CSNK1D: variants seen among roughly 807,000 people sequenced by gnomAD.
CSNK1D encodes the protein casein kinase 1 delta.
CSNK1D carries 16 observed loss-of-function variants against 46.6 expected under a neutral mutation model. The ratio of observed to expected loss-of-function variants is 0.34; its 90% CI spans 0.23 to 0.52. The LOEUF is 0.52. Among genes scored for constraint, CSNK1D ranks in the 20% least tolerant of loss-of-function variants. The pLI is 0.95. For missense variants in CSNK1D, 398 were observed against 578.4 expected, an observed-to-expected ratio of 0.69 and a Z score of 3.20; for synonymous variants, 276 against 228.2, an observed-to-expected ratio of 1.21 and a Z score of -1.89.
In CSNK1D at chr17:82,248,066, T is replaced by A. The variant is rs1311115846; in HGVS notation, c.1197+809A>T. On this transcript the variant is annotated intron_variant, in intron 8 of 8. Transcript: ENST00000314028. This position sits in a 1 kb window ranked among gnomAD's most constrained non-coding sequence, Gnocchi z 4.1. ...CCAGAGCCAGGCTCCAGGGCATTTC[T>A]GAACTGAGTTCCTGCTCATCCGGAA... is the stretch of plus-strand genomic sequence containing the variant. The A allele has an allele frequency of 8.1e-6, 8 of 985,356 alleles. No homozygotes were observed. In the African/African-American group the frequency reaches 1.2e-4, roughly 15 times the overall value. The allele number at this position is 985,356 out of a possible 1,614,324, so 61.0% of individuals were successfully genotyped here. A position where few individuals can be genotyped will look rare whatever the true frequency, so the allele number is the denominator to read the frequency against.
chr17:82,258,280 T>C (rs752466411), intron 2 of CSNK1D, among the ~76,000 whole-genome samples: 3 of 150,158 alleles, frequency 2.0e-5, no homozygotes, highest in Admixed American at 1.3e-4. Flanking sequence ...GTCTTTTATA[T>C]ATATGTATAT....
intron 2 of CSNK1D, among the ~76,000 whole-genome samples, chr17:82,258,909 G>C (rs868359860): frequency 6.6e-6 from 1 of 152,210 alleles, no homozygotes; most frequent in Non-Finnish European, 1.5e-5. Flanking sequence ...CAGCTTTATA[G>C]TAAGTGCTGG....
Position 82,248,606 on chromosome 17 carries a change from A to G in CSNK1D, c.1197+269T>C. The G allele has an allele frequency of 6.8e-6, 9 of 1,316,096 alleles. 1 individual carries two copies. The South Asian group carries it at 1.5e-4, about 22-fold the overall frequency. The allele number at this position is 1,316,096 out of a possible 1,614,324, so 81.5% of individuals were successfully genotyped here. A position where few individuals can be genotyped will look rare whatever the true frequency, so the allele number is the denominator to read the frequency against. On this transcript the variant is annotated intron_variant, in intron 8 of 8. Transcript: ENST00000314028. This position sits in a 1 kb window ranked among gnomAD's most constrained non-coding sequence, Gnocchi z 4.1. Reference sequence around the variant, plus strand: ...AGCGGGGCACTCAAACAGCAGGAGAAAGCCCCCACGGTTTGCTGGCCTCAG... The same window carrying G: ...AGCGGGGCACTCAAACAGCAGGAGAGAGCCCCCACGGTTTGCTGGCCTCAG...
intron 1 of CSNK1D, among the ~76,000 whole-genome samples, chr17:82,269,427 A>G (rs2051561705): frequency 6.6e-6 from 1 of 152,150 alleles, no homozygotes; most frequent in African/African-American, 2.4e-5. Context: ...CTCTCCTCTC[A>G]TGGCTGGTCA....
In CSNK1D at chr17:82,248,894, G is replaced by A. The variant is rs751442364; in HGVS notation, c.1178C>T (p.Ser393Phe). 3.7e-6 allele frequency: 6 copies of A among 1,610,598 alleles called. No homozygotes were observed. Among genetic ancestry groups the A allele is most frequent in the Non-Finnish European group, 5.1e-6 (6 of 1,178,338 alleles). ...ACCTACCTGTGAGGTGGACATGCGAGAGGTATCTTGTCGGCCTGTGAGGTC... is the reference window on the plus strand; with the variant it reads ...ACCTACCTGTGAGGTGGACATGCGAAAGGTATCTTGTCGGCCTGTGAGGTC... Reference protein sequence around the residue: ...SSDLTGRQDTSRMSTSQIPGR... With the variant: ...SSDLTGRQDTFRMSTSQIPGR... Residue 393 changes from serine (S) to phenylalanine (F), a missense_variant, in exon 8 of 9, where the codon TCT becomes TTT. Around this residue, in one of 2 missense-constraint regions of CSNK1D, gnomAD observed 181 missense variants for 208.0 expected, o/e 0.87. Coordinates refer to ENST00000314028, the MANE Select transcript of CSNK1D (RefSeq NM_001893.6). The surrounding 1 kb of genome is among the most constrained non-coding windows in gnomAD (Gnocchi z 4.1).
intron 2 of CSNK1D, 131 bp downstream of exon 2, chr17:82,265,555 G>A (rs1444640521): frequency 2.7e-6 from 2 of 745,108 alleles, no homozygotes; most frequent in East Asian, 5.1e-5. Context: ...TGCTTTGTCA[G>A]GGTGTGGAGA....
At position 82,273,647 on chromosome 17, in the gene CSNK1D, TC is replaced by T. The variant is rs2051703017; in HGVS notation, c.-267del. ...CCCCGCCGCGGATGGACTCGGATCTTCCGGGCCTAAATCCCCTTTCAGCTGC... is the reference window on the plus strand; with the variant it reads ...CCCCGCCGCGGATGGACTCGGATCTTCGGGCCTAAATCCCCTTTCAGCTGC... On this transcript the variant is annotated 5_prime_UTR_variant, in exon 1 of 9. Transcript: ENST00000314028. This position sits in a 1 kb window ranked among gnomAD's most constrained non-coding sequence, Gnocchi z 5.1. The T allele has an allele frequency of 1.8e-6, 1 of 547,184 alleles. No individual in the cohort carries two copies. The highest frequency in any genetic ancestry group is 3.6e-5 in the Admixed American group (1 of 27,984). 33.9% of individuals were successfully genotyped at this position (547,184 alleles called of 1,614,324 possible).
At position 82,252,810 on chromosome 17, in the gene CSNK1D, T is replaced by A. The variant is rs2051047661; in HGVS notation, c.565+206A>T. On this transcript the variant is annotated intron_variant, in intron 4 of 8. Transcript: ENST00000314028. This position sits in a 1 kb window ranked among gnomAD's most constrained non-coding sequence, Gnocchi z 4.6. ...TGCCCCTCATGCATACTAAGGAAAT[T>A]CCCAAACACATCACAGGTGACTCAG... Among the ~76,000 whole-genome samples the A allele has an allele frequency of 6.6e-6, 1 of 151,936 alleles. No homozygotes were observed. The highest frequency in any genetic ancestry group is 1.9e-4 in the East Asian group (1 of 5,178).
chr17:82,252,984 C>T lies in CSNK1D; in HGVS notation c.565+32G>A. The stretch of plus-strand genomic sequence containing the variant: ...AGGCATGGACGCGCCCAAAGGCACC[C>T]CAGGTCAGTGACCCCATGCCCAGGG... On this transcript the variant is annotated intron_variant, in intron 4 of 8. Transcript: ENST00000314028. This position sits in a 1 kb window ranked among gnomAD's most constrained non-coding sequence, Gnocchi z 4.6. The T allele has an allele frequency of 1.2e-6, 2 of 1,602,082 alleles. No individual in the cohort carries two copies. Among genetic ancestry groups the T allele is most frequent in the Admixed American group, 3.3e-5 (2 of 59,860 alleles).
chr17:82,245,255 G>A (rs1388869893), intron 8 of CSNK1D: 1 of 331,508 alleles, frequency 3.0e-6, no homozygotes, highest in African/African-American at 2.1e-5. Context: ...CAGCGGCACA[G>A]ACCCGACAGA....
chr17:82,255,055 G>A lies in CSNK1D; in HGVS notation c.336+374C>T. The A allele has an allele frequency of 2.7e-6, 1 of 368,068 alleles. No homozygotes were observed. Among genetic ancestry groups the A allele is most frequent in the East Asian group, 7.3e-5 (1 of 13,726 alleles). The allele number at this position is 368,068 out of a possible 1,614,324, so 22.8% of individuals were successfully genotyped here. ...CGTCGGAGCCTCGAGAAGCCAGTGA[G>A]CTGAGCCGCCGGAGCCTCGAGAAGC... On this transcript the variant is annotated intron_variant, in intron 3 of 8. Transcript: ENST00000314028. This position sits in a 1 kb window ranked among gnomAD's most constrained non-coding sequence, Gnocchi z 5.9.
chr17:82,239,624 G>A (rs911840882), downstream of CSNK1D: 10 of 253,374 alleles, frequency 3.9e-5, no homozygotes, highest in East Asian at 1.5e-4. Flanking sequence ...AGGGGCAGGC[G>A]CTGCATGGAG....
At chr17:82,254,523 A>G (rs1314353494) in intron 3 of CSNK1D, 20 of 142,192 alleles carry the variant, frequency 1.4e-4, no homozygotes, top group East Asian at 3.7e-4. Flanking sequence ...GAGCCGCCGG[A>G]GCCTCCAGAA....
At chr17:82,260,031 ACTGACTGATG>A (rs1414430531) in intron 2 of CSNK1D, among the ~76,000 whole-genome samples, 88 of 128,612 alleles carry the variant, frequency 6.8e-4, no homozygotes, top group African/African-American at 3.6e-3. Flanking sequence ...CTGATGGTGT[ACTGACTGATG>A]TGACTGATGG....
chr17:82,258,635 T>C (rs1437849024), intron 2 of CSNK1D, among the ~76,000 whole-genome samples: 2 of 152,160 alleles, frequency 1.3e-5, no homozygotes, highest in Non-Finnish European at 2.9e-5. Context: ...ATTTTGGAGT[T>C]TTCACTGTCC....
Position 82,250,131 on chromosome 17 carries a change from T to C in CSNK1D, c.886-529A>G, listed in dbSNP as rs1407799172. The C allele has an allele frequency of 1.6e-6, 2 of 1,290,252 alleles. No individual in the cohort carries two copies. Among genetic ancestry groups the C allele is most frequent in the East Asian group, 1.1e-4 (2 of 18,048 alleles). 79.9% of individuals were successfully genotyped at this position (1,290,252 alleles called of 1,614,324 possible). On this transcript the variant is annotated intron_variant, in intron 6 of 8. Transcript: ENST00000314028. The surrounding 1 kb of genome is among the most constrained non-coding windows in gnomAD (Gnocchi z 4.6). ...CGGCAGCCGGATCTGTGCTGCACTA[T>C]CCAGATGCACGGGGGTGGGGAGGTC... is the stretch of plus-strand genomic sequence containing the variant.
At chr17:82,253,404 G>A in intron 3 of CSNK1D, 160 bp from the exon 4 acceptor site, 1 of 692,740 alleles carries the variant, frequency 1.4e-6, no homozygotes, top group Non-Finnish European at 2.6e-6. Context: ...TGACCAAATT[G>A]TTCCCCCAGG....
chr17:82,244,499 G>GA lies in CSNK1D; in HGVS notation c.*281dup. The GA allele has an allele frequency of 7.1e-7, 1 of 1,407,432 alleles. No individual in the cohort carries two copies. Among genetic ancestry groups the GA allele is most frequent in the Non-Finnish European group, 9.3e-7 (1 of 1,078,324 alleles). 87.2% of individuals were successfully genotyped at this position (1,407,432 alleles called of 1,614,324 possible). A position where few individuals can be genotyped will look rare whatever the true frequency, so the allele number is the denominator to read the frequency against. On this transcript the variant is annotated 3_prime_UTR_variant, in exon 9 of 9. Coordinates refer to ENST00000314028, the MANE Select transcript of CSNK1D (RefSeq NM_001893.6). Reference sequence around the variant, plus strand: ...ACCACTGGAGGGAGCTGAGGCCCTGGAAAAGGAGTCTGATTCTCTGCAATT... The same window carrying GA: ...ACCACTGGAGGGAGCTGAGGCCCTGGAAAAAGGAGTCTGATTCTCTGCAATT...
At chr17:82,272,966 G>C in intron 1 of CSNK1D, 1 of 112,214 alleles carries the variant, frequency 8.9e-6, no homozygotes, top group South Asian at 3.0e-4. Flanking sequence ...AGCCCTTCCC[G>C]AGTCCGCTCC....
Sources: gnomAD v4.1 joint callset for allele counts (sites outside exome capture counted in the v4.1 genomes callset) on GRCh38, gnomAD v4.1.1 for gene constraint, gnomAD v4.1.1 regional missense constraint, Gnocchi (gnomAD v3.1) non-coding constraint, MANE v1.5 for transcripts, NCBI Gene and HGNC (gene_info 2026-07-23, HGNC 2026-07-21) for gene names.